Variants in CCDC85C observed in about 807,000 individuals in gnomAD.
The protein encoded by CCDC85C is coiled-coil domain-containing protein 85C.
A neutral mutation model predicts 38.3 loss-of-function variants in CCDC85C; 18 were observed. The ratio of observed to expected loss-of-function variants is 0.47; its 90% CI spans 0.33 to 0.70. The LOEUF is 0.70. Among genes scored for constraint, CCDC85C ranks in the 30% least tolerant of loss-of-function variants. The pLI, the probability that CCDC85C is intolerant of heterozygous loss-of-function variation, is 0.03. For synonymous variants in CCDC85C, 264 were observed against 293.8 expected (o/e 0.90, Z 1.04); for missense variants, 566 against 621.2 (o/e 0.91, Z 0.94).
At chr14:99,571,747 C>G (rs1484482594) in intron 1 of CCDC85C, among the ~76,000 whole-genome samples, 1 of 152,224 alleles carries the variant, frequency 6.6e-6, no homozygotes, top group Non-Finnish European at 1.5e-5. Context: ...TGTGGCCTGT[C>G]CGGGCCTTTG....
rs1595100257 is a variant in CCDC85C at position 99,581,728 on chromosome 14, GA to G, written c.793+21438del. On this transcript the variant is annotated intron_variant, in intron 1 of 5. Coordinates refer to ENST00000380243, the MANE Select transcript of CCDC85C (RefSeq NM_001144995.2). ...GGACCTGCTGCTCATGGCCTTCCTTGAAAGGCCACGAAGCAGGATGGGGGCT... is the reference window on the plus strand; with the variant it reads ...GGACCTGCTGCTCATGGCCTTCCTTGAAGGCCACGAAGCAGGATGGGGGCT... Among the ~76,000 whole-genome samples, 7 of 152,224 alleles carry G rather than the reference GA, an allele frequency of 4.6e-5. No homozygotes were observed. The East Asian group carries it at 1.3e-3, about 29-fold the overall frequency.
At position 99,593,639 on chromosome 14, in the gene CCDC85C, C is replaced by T. The variant is rs545675031; in HGVS notation, c.793+9528G>A. 2.6e-5 allele frequency among the ~76,000 whole-genome samples: 4 copies of T among 152,374 alleles called. No homozygotes were observed. In the East Asian group the frequency reaches 5.8e-4, roughly 22 times the overall value. On this transcript the variant is annotated intron_variant, in intron 1 of 5. Transcript: ENST00000380243. ...GCAACACAGGCAGGGCCGTTTACTC[C>T]TCACTGCTAACGTGAACTGACACCA...
intron 1 of CCDC85C, among the ~76,000 whole-genome samples, chr14:99,590,279 T>A (rs1271448419): frequency 6.6e-6 from 1 of 152,034 alleles, no homozygotes; most frequent in Non-Finnish European, 1.5e-5. Flanking sequence ...GCAGGCAGCA[T>A]CCCGAGGGCC....
rs1036687712 is a variant in CCDC85C at position 99,564,440 on chromosome 14, C to T, written c.794-28352G>A. 4.1e-4 allele frequency among the ~76,000 whole-genome samples: 62 copies of T among 152,216 alleles called. 1 individual carries two copies. The highest frequency in any genetic ancestry group is 3.9e-3 in the Admixed American group (60 of 15,278). On this transcript the variant is annotated intron_variant, in intron 1 of 5. Coordinates refer to ENST00000380243, the MANE Select transcript of CCDC85C (RefSeq NM_001144995.2). ...GTTAGGGTTTTGGTCAGCAGGAGCA[C>T]GTCCGCACTTTTCTGAAGCCTCCTC...
intron 3 of CCDC85C, among the ~76,000 whole-genome samples, chr14:99,519,099 C>CTTTTTTTTT (rs59524541): frequency 7.7e-5 from 4 of 52,218 alleles, no homozygotes; most frequent in African/African-American, 2.5e-4. Context: ...TCATACATGC[C>CTTTTTTTTT]TTTTTTTTTT....
intron 1 of CCDC85C, among the ~76,000 whole-genome samples, chr14:99,585,584 T>C (rs2055017235): frequency 6.6e-6 from 1 of 152,224 alleles, no homozygotes; most frequent in South Asian, 2.1e-4. Flanking sequence ...TTCCTACTAT[T>C]ATTGTCACCA....
At chr14:99,601,981 T>G (rs8022013) in intron 1 of CCDC85C, among the ~76,000 whole-genome samples, 286 of 131,378 alleles carry the variant, frequency 2.2e-3, no homozygotes, top group African/African-American at 8.1e-3. Context: ...AAAACGTCCC[T>G]CCCCAGCTCA....
At chr14:99,521,555 G>A (rs1025404178) in intron 3 of CCDC85C, among the ~76,000 whole-genome samples, 1 of 152,190 alleles carries the variant, frequency 6.6e-6, no homozygotes, top group South Asian at 2.1e-4. Flanking sequence ...ACCCACCAAG[G>A]CTCCTGGAGG....
rs556538622 is a variant in CCDC85C, at chr14:99,591,654, G to A, written c.793+11513C>T. ...AACTCCAGGGCCAGGGTGGTAAAGC[G>A]CTGCAGCCGGTGGGGAGGGTGGGGA... is the stretch of plus-strand genomic sequence containing the variant. On this transcript the variant is annotated intron_variant, in intron 1 of 5. Coordinates refer to ENST00000380243, the MANE Select transcript of CCDC85C (RefSeq NM_001144995.2). 1.4e-4 allele frequency among the ~76,000 whole-genome samples: 22 copies of A among 152,212 alleles called. No individual in the cohort carries two copies. The East Asian group carries it at 4.1e-3, about 28-fold the overall frequency.
intron 1 of CCDC85C, among the ~76,000 whole-genome samples, chr14:99,571,456 C>A (rs1462299980): frequency 6.6e-6 from 1 of 152,206 alleles, no homozygotes; most frequent in African/African-American, 2.4e-5. Flanking sequence ...AGGTGCACAG[C>A]CGTGCCGTTC....
intron 1 of CCDC85C, among the ~76,000 whole-genome samples, chr14:99,587,139 C>T (rs1481640925): frequency 6.6e-6 from 1 of 152,218 alleles, no homozygotes; most frequent in Admixed American, 6.5e-5. Context: ...CCTAGGCCTG[C>T]CAGAGGTCTC....
chr14:99,596,946 C>T (rs1595109989), intron 1 of CCDC85C, among the ~76,000 whole-genome samples: 1 of 152,168 alleles, frequency 6.6e-6, no homozygotes, highest in Non-Finnish European at 1.5e-5. Flanking sequence ...CCTGCCTGAG[C>T]CCCACCCAAG....
chr14:99,519,676 A>G (rs1441814695), intron 3 of CCDC85C, among the ~76,000 whole-genome samples: 1 of 152,234 alleles, frequency 6.6e-6, no homozygotes, highest in East Asian at 1.9e-4. Context: ...CAACAAATGA[A>G]GGAATCATGT....
At position 99,603,625 on chromosome 14, in the gene CCDC85C, G is replaced by A; in HGVS notation, c.335C>T (p.Ala112Val). 1 of 1,462,514 alleles carries A rather than the reference G, an allele frequency of 6.8e-7. No homozygotes were observed. 90.6% of individuals were successfully genotyped at this position (1,462,514 alleles called of 1,614,324 possible). A position where few individuals can be genotyped will look rare whatever the true frequency, so the allele number is the denominator to read the frequency against. Residue 112 changes from alanine to valine, a missense_variant, in exon 1 of 6, where the codon GCG (alanine) becomes GTG (valine). This residue lies in a region of CCDC85C where 269 missense variants were observed against 308.2 expected (regional missense o/e 0.87). Transcript: ENST00000380243. This position sits in a 1 kb window ranked among gnomAD's most constrained non-coding sequence, Gnocchi z 7.5. ...CACCTCGTGCCACACGGCGCCGGCC[G>A]CGTGGCGCCCGAAGCGCTGCCACTC... is the stretch of plus-strand genomic sequence containing the variant. ...AREWQRFGRH[A>V]AGAVWHEVAR...
chr14:99,522,243 G>T lies in CCDC85C; in HGVS notation c.868-3C>A, dbSNP rs1283433805. 6.5e-7 allele frequency: 1 copy of T among 1,545,108 alleles called. No homozygotes were observed. The highest frequency in any genetic ancestry group is 2.0e-5 in the Admixed American group (1 of 50,964). On this transcript the variant is annotated splice_polypyrimidine_tract_variant and splice_region_variant and intron_variant, in intron 2 of 5. Coordinates refer to ENST00000380243, the MANE Select transcript of CCDC85C (RefSeq NM_001144995.2). ...CGGAACTCTCCGGAGCCTGCCTGCT[G>T]CAGGGGAGAGAAGGAGAGGGGTTAG... is the stretch of plus-strand genomic sequence containing the variant.
rs184926325 is a variant in CCDC85C, at chr14:99,526,709, G to A, written c.868-4469C>T. 2.0e-4 allele frequency among the ~76,000 whole-genome samples: 30 copies of A among 152,328 alleles called. No homozygotes were observed. The East Asian group carries it at 5.4e-3, about 27-fold the overall frequency. On this transcript the variant is annotated intron_variant, in intron 2 of 5. Coordinates refer to ENST00000380243, the MANE Select transcript of CCDC85C (RefSeq NM_001144995.2). ...AGCTCCCAGGGTTGGTCAGTGATGC[G>A]TAATCAATGGTCTGGGTGCCGAGTA... is the stretch of plus-strand genomic sequence containing the variant.
At chr14:99,596,115 G>A (rs1201335849) in intron 1 of CCDC85C, among the ~76,000 whole-genome samples, 1 of 152,238 alleles carries the variant, frequency 6.6e-6, no homozygotes, top group East Asian at 1.9e-4. Flanking sequence ...AGTGCCTTAG[G>A]ACTCTGTGAA....
At chr14:99,538,116 G>C (rs945432307) in intron 1 of CCDC85C, among the ~76,000 whole-genome samples, 1 of 152,188 alleles carries the variant, frequency 6.6e-6, no homozygotes. Flanking sequence ...TGTGGAACAC[G>C]TGGTACCCCC....
rs182913584 is a variant in CCDC85C at position 99,558,990 on chromosome 14, T to C, written c.794-22902A>G. Among the ~76,000 whole-genome samples the C allele has an allele frequency of 1.7e-4, 26 of 152,184 alleles. No homozygotes were observed. The East Asian group carries it at 3.3e-3, about 19-fold the overall frequency. On this transcript the variant is annotated intron_variant, in intron 1 of 5. Transcript: ENST00000380243. This position sits in a 1 kb window ranked among gnomAD's most constrained non-coding sequence, Gnocchi z 4.2. Reference sequence around the variant, plus strand: ...TAAAGTGTGTGGCTCCTCCCCGCACTCTACTCCCCTCTTTCTCCTGCTCCC... The same window carrying C: ...TAAAGTGTGTGGCTCCTCCCCGCACCCTACTCCCCTCTTTCTCCTGCTCCC...
Sources: allele counts gnomAD v4.1 joint callset (sites outside exome capture counted in the v4.1 genomes callset), GRCh38; gene constraint gnomAD v4.1.1; regional missense constraint gnomAD v4.1.1; non-coding constraint Gnocchi (gnomAD v3.1); transcripts MANE v1.5; gene names NCBI Gene and HGNC (gene_info 2026-07-23, HGNC 2026-07-21).